The following DLG5 variants were observed in gnomAD, a reference collection of about 807,000 sequenced individuals.
DLG5 encodes disks large homolog 5.
In DLG5, 48 loss-of-function variants were observed where a neutral mutation model predicts 189.8. The observed-to-expected ratio is 0.25, with a 90% confidence interval of 0.20 to 0.32. The LOEUF (loss-of-function observed/expected upper bound fraction) is 0.32, where lower values mean the gene tolerates loss of function less well. DLG5 is among the 10% of genes least tolerant of loss of function. The pLI, the probability that DLG5 is intolerant of heterozygous loss-of-function variation, is 1.00. For missense variants in DLG5, 2,160 were observed against 2,544.7 expected (o/e 0.85, Z 3.25); for synonymous variants, 1,016 against 1,054.1 (o/e 0.96, Z 0.70).
rs897772755 is a variant in DLG5 at position 77,824,263 on chromosome 10, C to A, written c.2382+121G>T. 4.2e-6 allele frequency: 3 copies of A among 721,874 alleles called. No individual in the cohort carries two copies. In the Admixed American group the frequency reaches 7.9e-5, roughly 19 times the overall value. 44.7% of individuals were successfully genotyped at this position (721,874 alleles called of 1,614,324 possible). ...AGTCAGGGTTCCTGCCCCCTCTGCA[C>A]TCAGTAAATGCCCACCCTGTTCTCA... On this transcript the variant is annotated intron_variant, in intron 14 of 31. Coordinates refer to ENST00000372391, the MANE Select transcript of DLG5 (RefSeq NM_004747.4).
At chr10:77,803,361 G>A (rs897167065) in intron 27 of DLG5, among the ~76,000 whole-genome samples, 13 of 152,188 alleles carry the variant, frequency 8.5e-5, no homozygotes, top group African/African-American at 3.1e-4. Context: ...ATTGCTGTAT[G>A]TATGTTACAC....
At chr10:77,816,800 C>A in intron 19 of DLG5, 99 bp from the exon 20 acceptor site, 2 of 1,489,004 alleles carry the variant, frequency 1.3e-6, no homozygotes, top group African/African-American at 1.4e-5. Context: ...CAGCTCTATC[C>A]CCACTGCATC....
In DLG5 at chr10:77,805,856, T is replaced by C; in HGVS notation, c.4973A>G (p.Asp1658Gly). The C allele has an allele frequency of 6.2e-7, 1 of 1,612,632 alleles. No individual in the cohort carries two copies. Among genetic ancestry groups the C allele is most frequent in the Non-Finnish European group, 8.5e-7 (1 of 1,178,848 alleles). Reference protein sequence around the residue: ...RGQIPSKYVMDQEFSRRLSMS... With the variant: ...RGQIPSKYVMGQEFSRRLSMS... Reference sequence around the variant, plus strand: ...GCTGAGCCTCCTGGAGAATTCTTGGTCCATCCTGTGGCACAGGGGACAATG... The same window carrying C: ...GCTGAGCCTCCTGGAGAATTCTTGGCCCATCCTGTGGCACAGGGGACAATG... The change falls in exon 27 of 32, where the codon GAC becomes GGC. Residue 1658 changes from aspartate (D) to glycine (G), a missense_variant. By Grantham distance (94) the Asp-to-Gly change is moderately conservative. Around this residue, in one of 5 missense-constraint regions of DLG5, gnomAD observed 574 missense variants for 644.2 expected, o/e 0.89. Coordinates refer to ENST00000372391, the MANE Select transcript of DLG5 (RefSeq NM_004747.4).
chr10:77,902,046 C>T (rs1366022318), intron 1 of DLG5, among the ~76,000 whole-genome samples: 2 of 152,224 alleles, frequency 1.3e-5, no homozygotes, highest in African/African-American at 2.4e-5. Flanking sequence ...TCCTCTCACT[C>T]GCTGCCACCG....
chr10:77,858,743 T>C (rs78982375), intron 2 of DLG5, among the ~76,000 whole-genome samples: 2,402 of 152,308 alleles, frequency 0.016, 59 homozygotes, highest in African/African-American at 0.053. Context: ...TATATGAATA[T>C]ATTTGTGTCT....
chr10:77,852,985 T>C (rs960952828), intron 5 of DLG5, among the ~76,000 whole-genome samples: 1 of 152,030 alleles, frequency 6.6e-6, no homozygotes, highest in African/African-American at 2.4e-5. Flanking sequence ...ATTGGTTGGC[T>C]GTGTTTTTTT....
Position 77,816,592 on chromosome 10 carries a change from G to C in DLG5, c.3984C>G (p.Ile1328Met). 1.2e-6 allele frequency: 2 copies of C among 1,614,190 alleles called. No individual in the cohort carries two copies. Among genetic ancestry groups the C allele is most frequent in the South Asian group, 2.2e-5 (2 of 91,080 alleles). The stretch of plus-strand genomic sequence containing the variant: ...CCCCGAGGGACGCGGGGTTGACAGC[G>C]ATTCTGGGCAATGTGGAGGCTGAGG... Reference protein sequence around the residue: ...SQTSASTLPRIAVNPASLGER... With the variant: ...SQTSASTLPRMAVNPASLGER... The change falls in exon 20 of 32, where the codon ATC becomes ATG. Residue 1328 changes from isoleucine (I) to methionine (M), a missense_variant. Ile to Met is a conservative substitution (Grantham distance 10). Transcript: ENST00000372391.
At chr10:77,888,673 C>T (rs1417221175) in intron 1 of DLG5, among the ~76,000 whole-genome samples, 1 of 152,142 alleles carries the variant, frequency 6.6e-6, no homozygotes, top group East Asian at 1.9e-4. Context: ...TCCACCTGCG[C>T]ACCAACACCG....
At chr10:77,812,572 A>G (rs1378175357) in intron 20 of DLG5, among the ~76,000 whole-genome samples, 195 bp from the exon 21 acceptor site, 1 of 152,192 alleles carries the variant, frequency 6.6e-6, no homozygotes, top group African/African-American at 2.4e-5. Context: ...CCACAGCCTC[A>G]CGCAACACGA....
At chr10:77,845,836 ACT>A (rs1276966475) in intron 5 of DLG5, among the ~76,000 whole-genome samples, 1 of 151,432 alleles carries the variant, frequency 6.6e-6, no homozygotes, top group South Asian at 2.1e-4. Flanking sequence ...CAAAATCTTC[ACT>A]GTTTTGTAAA....
intron 8 of DLG5, among the ~76,000 whole-genome samples, chr10:77,835,484 A>G (rs1843080536): frequency 6.6e-6 from 1 of 152,186 alleles, no homozygotes; most frequent in African/African-American, 2.4e-5. Flanking sequence ...GTGCCCCTTC[A>G]CAGCGGTCTC....
the DLG5 span, among the ~76,000 whole-genome samples, chr10:77,938,009 C>T: frequency 1.1e-3 from 164 of 151,622 alleles, 1 homozygote; most frequent in South Asian, 0.01. Flanking sequence ...TGAGCCACCG[C>T]GCCTGGCCAT....
Position 77,816,325 on chromosome 10 carries a change from T to A in DLG5, c.4025+226A>T, listed in dbSNP as rs747166730. 435 of 710,342 alleles carry A rather than the reference T, an allele frequency of 6.1e-4. 2 individuals are homozygous for A. Among genetic ancestry groups the A allele is most frequent in the Middle Eastern group, 1.3e-3 (4 of 3,028 alleles). 44.0% of individuals were successfully genotyped at this position (710,342 alleles called of 1,614,324 possible). A position where few individuals can be genotyped will look rare whatever the true frequency, so the allele number is the denominator to read the frequency against. On this transcript the variant is annotated intron_variant, in intron 20 of 31. Transcript: ENST00000372391. ...GATCACCGTCAGGTCATTTCCAGCA[T>A]CATCTACTGTGAGCCCTCTTGGCTC... is the stretch of plus-strand genomic sequence containing the variant.
chr10:77,847,614 G>A (rs1248678), intron 5 of DLG5, among the ~76,000 whole-genome samples: 38,743 of 152,078 alleles, frequency 0.25, 5,498 homozygotes, highest in Admixed American at 0.39. Context: ...CTCGCCATCA[G>A]AGGATTATGT....
chr10:77,801,050 G>A (rs758290559), intron 27 of DLG5, among the ~76,000 whole-genome samples: 2 of 152,156 alleles, frequency 1.3e-5, no homozygotes, highest in Non-Finnish European at 2.9e-5. Context: ...AACATCACTC[G>A]GAGCCCTGAA....
Position 77,817,879 on chromosome 10 carries a change from G to C in DLG5, c.3682C>G (p.Gln1228Glu). 2 of 1,551,900 alleles carry C rather than the reference G, an allele frequency of 1.3e-6. No individual in the cohort carries two copies. Among genetic ancestry groups the C allele is most frequent in the Non-Finnish European group, 1.7e-6 (2 of 1,147,116 alleles). Residue 1228 changes from glutamine (Q) to glutamate (E), a missense_variant, in exon 18 of 32, where the codon CAG becomes GAG. Physicochemically the swap from Gln to Glu is conservative, Grantham distance 29. Coordinates refer to ENST00000372391, the MANE Select transcript of DLG5 (RefSeq NM_004747.4). ...PQGLHPSVQH[Q>E]GRLSLDLSHR... ...CTCAGGTCCAGGCTCAGGCGTCCCTGGTGCTGGACACTGCGTAAAAACAAG... is the reference window on the plus strand; with the variant it reads ...CTCAGGTCCAGGCTCAGGCGTCCCTCGTGCTGGACACTGCGTAAAAACAAG...
At chr10:77,825,374 C>CACACACACACACACACACA (rs1554816035) in intron 13 of DLG5, among the ~76,000 whole-genome samples, 1 of 130,814 alleles carries the variant, frequency 7.6e-6, no homozygotes, top group Non-Finnish European at 1.6e-5. Flanking sequence ...CCACACACAA[C>CACACACACACACACACACA]CACACACACA....
chr10:77,841,324 C>T (rs1185246045), intron 7 of DLG5, among the ~76,000 whole-genome samples: 3 of 152,218 alleles, frequency 2.0e-5, no homozygotes, highest in African/African-American at 7.2e-5. Context: ...GCCCCCCAAC[C>T]CTGGAGGTGT....
rs560477448 is a variant in DLG5, at chr10:77,857,417, A to T, written c.374-525T>A. Among the ~76,000 whole-genome samples the T allele has an allele frequency of 2.0e-5, 3 of 152,366 alleles. No individual in the cohort carries two copies. The East Asian group carries it at 5.8e-4, about 29-fold the overall frequency. ...CCGCCCTCCTCGACCAGGGCTGGAC[A>T]GTGCACGGCTCCCTTTTTGCAAGCC... On this transcript the variant is annotated intron_variant, in intron 2 of 31. Transcript: ENST00000372391.
Sources: allele counts gnomAD v4.1 joint callset (sites outside exome capture counted in the v4.1 genomes callset), GRCh38; gene constraint gnomAD v4.1.1; regional missense constraint gnomAD v4.1.1; transcripts MANE v1.5; gene names NCBI Gene and HGNC (gene_info 2026-07-23, HGNC 2026-07-21).